Variants in ST3GAL3 observed in about 807,000 individuals in gnomAD.
The protein encoded by ST3GAL3 is CMP-N-acetylneuraminate-beta-1,4-galactoside alpha-2,3-sialyltransferase.
In ST3GAL3, 21 loss-of-function variants were observed where a neutral mutation model predicts 50.1. That is an observed-to-expected ratio of 0.42 (90% CI 0.30 to 0.60). The LOEUF (loss-of-function observed/expected upper bound fraction) is 0.60, where lower values mean the gene tolerates loss of function less well. Ranked by LOEUF, ST3GAL3 falls within the 20% of genes least tolerant of loss-of-function variation. The pLI is 0.19. For synonymous variants in ST3GAL3, 183 were observed against 190.0 expected, an observed-to-expected ratio of 0.96 and a Z score of 0.30; for missense variants, 353 against 489.4, an observed-to-expected ratio of 0.72 and a Z score of 2.63.
intron 5 of ST3GAL3, chr1:43,840,001 C>G (rs575516285): frequency 6.6e-5 from 10 of 152,322 alleles, no homozygotes; most frequent in Non-Finnish European, 1.0e-4. Context: ...ACCACCAGGC[C>G]CCATTGGAGA....
intron 2 of ST3GAL3, among the ~76,000 whole-genome samples, chr1:43,777,391 C>T (rs539507277): frequency 1.3e-5 from 2 of 152,246 alleles, no homozygotes; most frequent in South Asian, 2.1e-4. Flanking sequence ...TTCAAGGCTA[C>T]GGTAACCAAA....
intron 2 of ST3GAL3, among the ~76,000 whole-genome samples, chr1:43,756,158 A>G: frequency 6.6e-6 from 1 of 151,790 alleles, no homozygotes; most frequent in East Asian, 1.9e-4. Flanking sequence ...AATAAAAGGA[A>G]CAAACTTGAT....
At chr1:43,759,607 A>T (rs1390532086) in intron 2 of ST3GAL3, among the ~76,000 whole-genome samples, 1 of 152,210 alleles carries the variant, frequency 6.6e-6, no homozygotes, top group African/African-American at 2.4e-5. Flanking sequence ...TAGAGTGGTT[A>T]TTAAAGTTTG....
intron 3 of ST3GAL3, among the ~76,000 whole-genome samples, chr1:43,792,537 G>T (rs1426431633): frequency 6.6e-6 from 1 of 152,200 alleles, no homozygotes. Context: ...AGAATGCTGG[G>T]CTGGTGGGAG....
intron 3 of ST3GAL3, among the ~76,000 whole-genome samples, chr1:43,808,444 G>A (rs1001426417): frequency 6.6e-6 from 1 of 151,932 alleles, no homozygotes; most frequent in Admixed American, 6.6e-5. Flanking sequence ...TGAAGGAAAA[G>A]TGAAGAAAGG....
chr1:43,853,314 G>A (rs1385694337), intron 5 of ST3GAL3, among the ~76,000 whole-genome samples: 2 of 152,146 alleles, frequency 1.3e-5, no homozygotes, highest in Non-Finnish European at 2.9e-5. Context: ...ACCTACTGAT[G>A]TTTACTTTGG....
chr1:43,722,804 C>A (rs35257941), intron 1 of ST3GAL3, among the ~76,000 whole-genome samples: 37 of 152,082 alleles, frequency 2.4e-4, no homozygotes, highest in Non-Finnish European at 3.4e-4. Context: ...AAGAGTAATT[C>A]CTCGGGGTGA....
chr1:43,800,601 T>C (rs75242731), intron 3 of ST3GAL3, among the ~76,000 whole-genome samples: 1 of 152,308 alleles, frequency 6.6e-6, no homozygotes, highest in African/African-American at 2.4e-5. Flanking sequence ...CCTGGGTTGG[T>C]TCCACGGCAT....
At chr1:43,727,352 A>G (rs2154079578) in intron 1 of ST3GAL3, 1 of 152,234 alleles carries the variant, frequency 6.6e-6, no homozygotes, top group South Asian at 2.1e-4. Flanking sequence ...ATGATGAGCA[A>G]AACCAGACAC....
chr1:43,708,799 A>G (rs1337875884), intron 1 of ST3GAL3, among the ~76,000 whole-genome samples: 1 of 152,244 alleles, frequency 6.6e-6, no homozygotes, highest in East Asian at 1.9e-4. Flanking sequence ...AATGTTAACG[A>G]TGAAACAAGA....
At chr1:43,879,058 T>C (rs772740448) in intron 5 of ST3GAL3, 2 of 456,208 alleles carry the variant, frequency 4.4e-6, no homozygotes, top group Non-Finnish European at 8.8e-6. Flanking sequence ...TGTTAGAGAA[T>C]GACTGCGGCA....
At position 43,899,382 on chromosome 1, in the gene ST3GAL3, T is replaced by C. The variant is rs2077893452; in HGVS notation, c.557+119T>C. ...GGAGGTCAACGGAAGCCTCAAGAACTCTGGGTTGGAGGGCTTTGGAACAGA... is the reference window on the plus strand; with the variant it reads ...GGAGGTCAACGGAAGCCTCAAGAACCCTGGGTTGGAGGGCTTTGGAACAGA... On this transcript the variant is annotated intron_variant, in intron 8 of 11. Transcript: ENST00000347631. This position sits in a 1 kb window ranked among gnomAD's most constrained non-coding sequence, Gnocchi z 5.4. 6 of 1,594,996 alleles carry C rather than the reference T, an allele frequency of 3.8e-6. No individual in the cohort carries two copies. In the African/African-American group the frequency reaches 4.0e-5, roughly 11 times the overall value.
chr1:43,928,555 G>A lies in ST3GAL3; in HGVS notation c.1039-1577G>A, dbSNP rs1298471977. ...GCGGAGGTTGCAGTGAGCCAAGATC[G>A]TGCCACTGCACTCCAGCCTGGGCAA... On this transcript the variant is annotated intron_variant, in intron 11 of 11. Transcript: ENST00000347631. 3.3e-5 allele frequency among the ~76,000 whole-genome samples: 5 copies of A among 150,186 alleles called. No individual in the cohort carries two copies. In the East Asian group the frequency reaches 5.9e-4, roughly 18 times the overall value.
intron 5 of ST3GAL3, among the ~76,000 whole-genome samples, chr1:43,876,330 G>C (rs1276426597): frequency 6.6e-6 from 1 of 152,094 alleles, no homozygotes; most frequent in African/African-American, 2.4e-5. Context: ...TGTCAAGGAA[G>C]GGGGTACTAG....
intron 2 of ST3GAL3, among the ~76,000 whole-genome samples, chr1:43,770,875 A>G (rs1208583578): frequency 6.6e-6 from 1 of 152,252 alleles, no homozygotes. Context: ...TCTCTGAGCC[A>G]GAAGAAAGTT....
At chr1:43,773,309 T>G (rs1431106682) in intron 2 of ST3GAL3, among the ~76,000 whole-genome samples, 1 of 152,216 alleles carries the variant, frequency 6.6e-6, no homozygotes, top group Non-Finnish European at 1.5e-5. Flanking sequence ...AGAAGGATAC[T>G]AACTCATGCC....
intron 3 of ST3GAL3, among the ~76,000 whole-genome samples, chr1:43,813,996 A>G (rs1427243866): frequency 6.6e-6 from 1 of 152,162 alleles, no homozygotes; most frequent in Non-Finnish European, 1.5e-5. Context: ...TTTTCCTTAT[A>G]CAAATGTTTT....
intron 11 of ST3GAL3, among the ~76,000 whole-genome samples, chr1:43,923,108 T>C (rs991005411): frequency 2.0e-5 from 3 of 150,826 alleles, no homozygotes; most frequent in African/African-American, 7.3e-5. Flanking sequence ...AAAAGAAAAA[T>C]TGGAAAAGTT....
chr1:43,898,662 A>AC (rs2077755482), intron 7 of ST3GAL3, among the ~76,000 whole-genome samples: 1 of 152,068 alleles, frequency 6.6e-6, no homozygotes, highest in Non-Finnish European at 1.5e-5. Context: ...AAACCAACAG[A>AC]CCCTAGAGCA....
Sources: allele counts gnomAD v4.1 joint callset (sites outside exome capture counted in the v4.1 genomes callset), GRCh38; gene constraint gnomAD v4.1.1; non-coding constraint Gnocchi (gnomAD v3.1); transcripts MANE v1.5; gene names NCBI Gene and HGNC (gene_info 2026-07-23, HGNC 2026-07-21).